Variants in LPCAT2 observed in about 807,000 individuals in gnomAD.
The protein encoded by LPCAT2 is 1-AGP acyltransferase 11.
Under a neutral mutation model 64.7 loss-of-function variants are expected in LPCAT2, and 58 were observed. The ratio of observed to expected loss-of-function variants is 0.90; its 90% CI spans 0.73 to 1.12. The LOEUF is 1.12. Among genes scored for constraint, LPCAT2 ranks in the 50% most tolerant of loss-of-function variants. The pLI, the probability that LPCAT2 is intolerant of heterozygous loss-of-function variation, is 0.00. For synonymous variants in LPCAT2, 252 were observed against 245.3 expected, an observed-to-expected ratio of 1.03 and a Z score of -0.26; for missense variants, 579 against 669.8, an observed-to-expected ratio of 0.86 and a Z score of 1.50.
chr16:55,548,058 G>A (rs1307853639), intron 9 of LPCAT2, among the ~76,000 whole-genome samples: 2 of 152,064 alleles, frequency 1.3e-5, no homozygotes, highest in African/African-American at 2.4e-5. Context: ...GTGAGCCACC[G>A]CACCTGGCCA....
intron 1 of LPCAT2, among the ~76,000 whole-genome samples, chr16:55,518,645 T>A (rs1963047677): frequency 6.6e-6 from 1 of 152,200 alleles, no homozygotes; most frequent in Admixed American, 6.5e-5. Flanking sequence ...GGCCACTGAT[T>A]TTCCACAGGA....
intron 11 of LPCAT2, among the ~76,000 whole-genome samples, chr16:55,553,332 C>A (rs1327186780): frequency 1.3e-5 from 2 of 152,206 alleles, no homozygotes; most frequent in African/African-American, 4.8e-5. Context: ...TCCTCTCAAA[C>A]CCTGTCATTG....
rs750316123 is a variant in LPCAT2 at position 55,541,998 on chromosome 16, GA to G, written c.853-3731del. On this transcript the variant is annotated intron_variant, in intron 8 of 13. Coordinates refer to ENST00000262134, the MANE Select transcript of LPCAT2 (RefSeq NM_017839.5). ...TTTTAAAATTATTTTCTGTTACAAGGAAAAAATAAAAGATTGATTATAGTGT... is the reference window on the plus strand; with the variant it reads ...TTTTAAAATTATTTTCTGTTACAAGGAAAAATAAAAGATTGATTATAGTGT... 5.4e-5 allele frequency: 63 copies of G among 1,159,706 alleles called. 1 individual carries two copies. The South Asian group carries it at 8.9e-4, about 16-fold the overall frequency. 71.8% of individuals were successfully genotyped at this position (1,159,706 alleles called of 1,614,324 possible).
rs1963942340 is a variant in LPCAT2, at chr16:55,586,061, T to C, written c.*2963T>C. 6.6e-6 allele frequency: 1 copy of C among 152,110 alleles called. No individual in the cohort carries two copies. Among genetic ancestry groups the C allele is most frequent in the South Asian group, 2.1e-4 (1 of 4,812 alleles). The allele number at this position is 152,110 out of a possible 1,614,324, so 9.4% of individuals were successfully genotyped here. Reference sequence around the variant, plus strand: ...TCCCGGGAAAGTAGACATACTTACATTTTTTTCCTTTTCTGCTCATTTGAA... The same window carrying C: ...TCCCGGGAAAGTAGACATACTTACACTTTTTTCCTTTTCTGCTCATTTGAA... On this transcript the variant is annotated 3_prime_UTR_variant, in exon 14 of 14. Transcript: ENST00000262134.
At position 55,576,286 on chromosome 16, in the gene LPCAT2, C is replaced by T. The variant is rs573746226; in HGVS notation, c.1314+1557C>T. Among the ~76,000 whole-genome samples the T allele has an allele frequency of 6.6e-5, 10 of 150,940 alleles. No homozygotes were observed. The South Asian group carries it at 1.9e-3, about 28-fold the overall frequency. On this transcript the variant is annotated intron_variant, in intron 12 of 13. Transcript: ENST00000262134. ...TATGTTTTGGAAGTATTTTTGCATACTTTTTATTTAGTAGTATCCTTTTAC... is the reference window on the plus strand; with the variant it reads ...TATGTTTTGGAAGTATTTTTGCATATTTTTTATTTAGTAGTATCCTTTTAC...
intron 8 of LPCAT2, among the ~76,000 whole-genome samples, chr16:55,543,276 G>A (rs1368265143): frequency 6.6e-6 from 1 of 152,108 alleles, no homozygotes; most frequent in Non-Finnish European, 1.5e-5. Flanking sequence ...GCCAATATGA[G>A]AGTTATTAAA....
At chr16:55,569,562 T>G (rs1211579371) in intron 11 of LPCAT2, among the ~76,000 whole-genome samples, 1 of 152,226 alleles carries the variant, frequency 6.6e-6, no homozygotes, top group African/African-American at 2.4e-5. Flanking sequence ...GTTCCTCACT[T>G]TATTGTAAAT....
At chr16:55,534,346 CAGAAA>C (rs1256640946) in intron 6 of LPCAT2, 92 bp from the exon 7 acceptor site, 1 of 763,446 alleles carries the variant, frequency 1.3e-6, no homozygotes, top group East Asian at 2.6e-5. Flanking sequence ...CTTTTAATTT[CAGAAA>C]AAATACATGA....
intron 9 of LPCAT2, 147 bp downstream of exon 9, chr16:55,545,964 G>A (rs1963449565): frequency 3.2e-6 from 2 of 621,082 alleles, no homozygotes; most frequent in South Asian, 2.0e-5. Flanking sequence ...GCCCAGGGAT[G>A]AGGTCAGTAT....
chr16:55,534,229 G>A (rs1963294921), intron 6 of LPCAT2, among the ~76,000 whole-genome samples: 1 of 152,122 alleles, frequency 6.6e-6, no homozygotes, highest in South Asian at 2.1e-4. Context: ...ATCAAAAGTT[G>A]TTGACATTAG....
intron 1 of LPCAT2, among the ~76,000 whole-genome samples, chr16:55,519,229 G>A (rs1379656634): frequency 2.0e-5 from 3 of 152,018 alleles, no homozygotes; most frequent in Non-Finnish European, 4.4e-5. Flanking sequence ...GGCCGGGCAC[G>A]GTGGCTCACA....
chr16:55,509,378 A>G (rs768451548), intron 1 of LPCAT2, 26 bp downstream of exon 1: 5 of 1,158,608 alleles, frequency 4.3e-6, no homozygotes, highest in Admixed American at 4.2e-5. Context: ...CTGAGGGGAG[A>G]GGTGGTCTGA....
chr16:55,569,227 G>A (rs1963742737), intron 11 of LPCAT2, among the ~76,000 whole-genome samples: 1 of 152,160 alleles, frequency 6.6e-6, no homozygotes, highest in African/African-American at 2.4e-5. Flanking sequence ...CAATATTTAT[G>A]AAACACCACA....
intron 11 of LPCAT2, among the ~76,000 whole-genome samples, chr16:55,573,442 A>G (rs1963792663): frequency 6.6e-6 from 1 of 151,710 alleles, no homozygotes; most frequent in African/African-American, 2.4e-5. Context: ...ATGAGAATAC[A>G]TTGTTACACA....
chr16:55,553,564 G>T (rs1268173716), intron 11 of LPCAT2, among the ~76,000 whole-genome samples: 1 of 152,130 alleles, frequency 6.6e-6, no homozygotes, highest in Non-Finnish European at 1.5e-5. Flanking sequence ...TTCCACATCT[G>T]CATTTACTTG....
intron 11 of LPCAT2, among the ~76,000 whole-genome samples, chr16:55,573,414 C>T (rs1963792373): frequency 6.6e-6 from 1 of 151,604 alleles, no homozygotes; most frequent in Non-Finnish European, 1.5e-5. Context: ...TTCTTAGCCC[C>T]TGTCTCTGTG....
At chr16:55,574,781 G>T (rs546070295) in intron 12 of LPCAT2, 52 bp downstream of exon 12, 2 of 1,248,352 alleles carry the variant, frequency 1.6e-6, no homozygotes, top group East Asian at 4.6e-5. Context: ...AACAAGTGTT[G>T]ACTCTAAGTG....
rs142942228 is a variant in LPCAT2 at position 55,577,141 on chromosome 16, C to T, written c.1315-1968C>T. On this transcript the variant is annotated intron_variant, in intron 12 of 13. Coordinates refer to ENST00000262134, the MANE Select transcript of LPCAT2 (RefSeq NM_017839.5). ...AAAACAGATGTCGATTCACTTTTCA[C>T]TTTCCAACTATTGTATCCCCTAACT... 2.1e-3 allele frequency among the ~76,000 whole-genome samples: 319 copies of T among 152,282 alleles called. 1 individual carries two copies. The highest frequency in any genetic ancestry group is 7.5e-3 in the African/African-American group (313 of 41,568).
chr16:55,521,410 C>G lies in LPCAT2; in HGVS notation c.172-4098C>G, dbSNP rs58173132. Among the ~76,000 whole-genome samples, 106 of 151,792 alleles carry G rather than the reference C, an allele frequency of 7.0e-4. 1 individual carries two copies. In the East Asian group the frequency reaches 0.019, roughly 27 times the overall value. ...AAATTTTGTCAAACTTTTAAGAATA[C>G]AATAAAATCACTCACACAAGCTCTT... On this transcript the variant is annotated intron_variant, in intron 1 of 13. Coordinates refer to ENST00000262134, the MANE Select transcript of LPCAT2 (RefSeq NM_017839.5).
Sources: allele counts gnomAD v4.1 joint callset (sites outside exome capture counted in the v4.1 genomes callset), GRCh38; gene constraint gnomAD v4.1.1; transcripts MANE v1.5; gene names NCBI Gene and HGNC (gene_info 2026-07-23, HGNC 2026-07-21).